LRRC8C: variants seen among roughly 807,000 people sequenced by gnomAD.
LRRC8C encodes the protein volume-regulated anion channel subunit LRRC8C.
A neutral mutation model predicts 55.3 loss-of-function variants in LRRC8C; 20 were observed. The observed-to-expected ratio is 0.36, with a 90% CI of 0.25 to 0.53. LRRC8C has a LOEUF of 0.53. Ranked by LOEUF, LRRC8C falls within the 20% of genes least tolerant of loss-of-function variation. The probability of loss-of-function intolerance (pLI) is 0.92; values close to 1 mark genes in which losing one functional copy is unlikely to be tolerated. For synonymous variants in LRRC8C, 376 were observed against 360.7 expected (o/e 1.04, Z -0.48); for missense variants, 659 against 951.4 (o/e 0.69, Z 4.04).
chr1:89,619,236 A>G, the LRRC8C span, among the ~76,000 whole-genome samples: 18 of 152,200 alleles, frequency 1.2e-4, no homozygotes, highest in Non-Finnish European at 2.4e-4. Flanking sequence ...GTTCTACAAT[A>G]TGACAGATAC....
In LRRC8C at chr1:89,644,431, G is replaced by A. The variant is rs1028803392; in HGVS notation, c.-5+11109G>A. Among the ~76,000 whole-genome samples the A allele has an allele frequency of 8.5e-5, 13 of 152,146 alleles. No homozygotes were observed. In the South Asian group the frequency reaches 1.0e-3, roughly 12 times the overall value. ...CTCCCAAAGTGCTGAGATTACAGGCGTGAGCCACAGTGCCCAGACGAAACC... is the reference window on the plus strand; with the variant it reads ...CTCCCAAAGTGCTGAGATTACAGGCATGAGCCACAGTGCCCAGACGAAACC... On this transcript the variant is annotated intron_variant, in intron 1 of 2. Transcript: ENST00000370454.
Position 89,714,120 on chromosome 1 carries a change from A to G in LRRC8C, c.1550A>G (p.Glu517Gly). Residue 517 changes from glutamate to glycine, a missense_variant, in exon 3 of 3, where the codon GAA (glutamate) becomes GGA (glycine). Around this residue, in one of 5 missense-constraint regions of LRRC8C, gnomAD observed 344 missense variants for 464.6 expected, o/e 0.74. Coordinates refer to ENST00000370454, the MANE Select transcript of LRRC8C (RefSeq NM_032270.5). The surrounding 1 kb of genome is among the most constrained non-coding windows in gnomAD (Gnocchi z 4.6). ...PPWMYGLRNL[E>G]ELYLVGSLSH... is the part of the protein sequence containing the mutation. ...TGGATGTATGGGCTCCGAAATCTGG[A>G]AGAGCTGTACCTAGTTGGCTCTCTA... is the stretch of plus-strand genomic sequence containing the variant. 3.1e-6 allele frequency: 5 copies of G among 1,614,100 alleles called. No individual in the cohort carries two copies. The highest frequency in any genetic ancestry group is 4.2e-6 in the Non-Finnish European group (5 of 1,180,014).
upstream of LRRC8C, among the ~76,000 whole-genome samples, chr1:89,630,224 CAAT>C (rs370661690): frequency 9.8e-4 from 149 of 152,316 alleles, 3 homozygotes; most frequent in African/African-American, 3.4e-3. Flanking sequence ...AACAAAACAA[CAAT>C]GTGACACAAT....
chr1:89,659,182 C>G (rs1024406502), intron 1 of LRRC8C, among the ~76,000 whole-genome samples: 2 of 150,912 alleles, frequency 1.3e-5, no homozygotes, highest in Non-Finnish European at 2.9e-5. Context: ...CTGCTTTAGC[C>G]TCCCAAGTAG....
chr1:89,653,642 G>T (rs1180875928), intron 1 of LRRC8C, among the ~76,000 whole-genome samples: 2 of 152,264 alleles, frequency 1.3e-5, no homozygotes, highest in African/African-American at 2.4e-5. Context: ...GAAAAGGTAG[G>T]GAGAACTGGT....
chr1:89,658,785 T>C (rs1657019717), intron 1 of LRRC8C, among the ~76,000 whole-genome samples: 1 of 152,192 alleles, frequency 6.6e-6, no homozygotes, highest in Non-Finnish European at 1.5e-5. Context: ...ATGAACTACC[T>C]GTACTCTCAT....
upstream of LRRC8C, among the ~76,000 whole-genome samples, chr1:89,628,738 G>A (rs1230356391): frequency 6.6e-6 from 1 of 152,230 alleles, no homozygotes; most frequent in Non-Finnish European, 1.5e-5. Context: ...CTGGAATGAG[G>A]GTCTTAATTT....
chr1:89,700,493 C>T (rs534391158), intron 2 of LRRC8C, among the ~76,000 whole-genome samples: 4 of 152,310 alleles, frequency 2.6e-5, no homozygotes, highest in Middle Eastern at 3.4e-3. Context: ...TTACTTTCAA[C>T]GGCAAAAACC....
Position 89,705,261 on chromosome 1 carries a change from T to C in LRRC8C, c.139-7448T>C, listed in dbSNP as rs1272298580. On this transcript the variant is annotated intron_variant, in intron 2 of 2. Coordinates refer to ENST00000370454, the MANE Select transcript of LRRC8C (RefSeq NM_032270.5). ...ACACAGGAAGGGGAACATCACACTC[T>C]GGGGACTGTTGTGGGGTGGGGGGAG... Among the ~76,000 whole-genome samples the C allele has an allele frequency of 1.8e-3, 183 of 103,706 alleles. 1 individual carries two copies. Among genetic ancestry groups the C allele is most frequent in the African/African-American group, 6.8e-3 (174 of 25,420 alleles). The allele number at this position is 103,706 out of a possible 152,430, so 68.0% of individuals were successfully genotyped here. A position where few individuals can be genotyped will look rare whatever the true frequency, so the allele number is the denominator to read the frequency against.
Position 89,715,093 on chromosome 1 carries a change from C to A in LRRC8C, c.*111C>A. On this transcript the variant is annotated 3_prime_UTR_variant, in exon 3 of 3. Coordinates refer to ENST00000370454, the MANE Select transcript of LRRC8C (RefSeq NM_032270.5). ...TTTTTTCCTTTTCACACAAAATGTACACAAAGATCGCGTAAGGAGTATGTA... is the reference window on the plus strand; with the variant it reads ...TTTTTTCCTTTTCACACAAAATGTAAACAAAGATCGCGTAAGGAGTATGTA... 1 of 605,518 alleles carries A rather than the reference C, an allele frequency of 1.7e-6. No homozygotes were observed. The highest frequency in any genetic ancestry group is 2.7e-6 in the Non-Finnish European group (1 of 369,882). The allele number at this position is 605,518 out of a possible 1,614,324, so 37.5% of individuals were successfully genotyped here.
At position 89,636,130 on chromosome 1, in the gene LRRC8C, C is replaced by A. The variant is rs1478897606; in HGVS notation, c.-5+2808C>A. ...TTCAACTTCTTTGAACCCTGGTTTC[C>A]TCTTGTATAATGGGATTAATAAAGC... On this transcript the variant is annotated intron_variant, in intron 1 of 2. Transcript: ENST00000370454. Among the ~76,000 whole-genome samples the A allele has an allele frequency of 5.9e-5, 9 of 152,290 alleles. No homozygotes were observed. In the South Asian group the frequency reaches 1.7e-3, roughly 28 times the overall value.
intron 1 of LRRC8C, among the ~76,000 whole-genome samples, chr1:89,667,022 A>G (rs563802696): frequency 5.3e-4 from 81 of 152,268 alleles, no homozygotes; most frequent in African/African-American, 1.9e-3. Flanking sequence ...GTGAGTTGGT[A>G]TTAATATTTT....
intron 1 of LRRC8C, among the ~76,000 whole-genome samples, chr1:89,643,191 A>AGGC (rs1656517507): frequency 1.3e-5 from 2 of 152,190 alleles, no homozygotes; most frequent in Admixed American, 1.3e-4. Context: ...TCTGAGACTC[A>AGGC]AGCCATCCTT....
chr1:89,704,069 A>G (rs1362511476), intron 2 of LRRC8C, among the ~76,000 whole-genome samples: 2 of 152,134 alleles, frequency 1.3e-5, no homozygotes, highest in Admixed American at 1.3e-4. Context: ...ATCTTCAAGA[A>G]TACACTCTTT....
chr1:89,671,882 G>A (rs139053713), intron 1 of LRRC8C, among the ~76,000 whole-genome samples: 37 of 152,230 alleles, frequency 2.4e-4, no homozygotes, highest in African/African-American at 4.3e-4. Flanking sequence ...CACACATACC[G>A]TACAAAACAA....
At chr1:89,657,950 A>G (rs937465708) in intron 1 of LRRC8C, among the ~76,000 whole-genome samples, 1 of 152,196 alleles carries the variant, frequency 6.6e-6, no homozygotes, top group Non-Finnish European at 1.5e-5. Context: ...AGAGGATCTC[A>G]GGAATGAAGT....
intron 1 of LRRC8C, among the ~76,000 whole-genome samples, chr1:89,659,335 T>C (rs558968275): frequency 6.6e-6 from 1 of 152,296 alleles, no homozygotes; most frequent in East Asian, 1.9e-4. Flanking sequence ...TACGGAATGT[T>C]AGGTTTAGTG....
At chr1:89,631,096 G>C (rs760005765), upstream of LRRC8C, among the ~76,000 whole-genome samples, 5 of 152,170 alleles carry the variant, frequency 3.3e-5, no homozygotes, top group African/African-American at 4.8e-5. Context: ...TGGTTCTTTT[G>C]CTTTCAGTGA....
At chr1:89,684,378 C>T (rs116504743) in intron 1 of LRRC8C, among the ~76,000 whole-genome samples, 1,671 of 152,224 alleles carry the variant, frequency 0.011, 10 homozygotes, top group Non-Finnish European at 0.019. Flanking sequence ...TTATCCCTGC[C>T]GCTGCAGCTG....
Sources: gnomAD v4.1 joint callset for allele counts (sites outside exome capture counted in the v4.1 genomes callset) on GRCh38, gnomAD v4.1.1 for gene constraint, gnomAD v4.1.1 regional missense constraint, Gnocchi (gnomAD v3.1) non-coding constraint, MANE v1.5 for transcripts, NCBI Gene and HGNC (gene_info 2026-07-23, HGNC 2026-07-21) for gene names.